The following SLC39A11 variants were observed in gnomAD, a reference collection of about 807,000 sequenced individuals.
SLC39A11 encodes the protein zinc transporter ZIP11.
SLC39A11 carries 33 observed loss-of-function variants against 36.1 expected under a neutral mutation model. The observed-to-expected ratio is 0.91, with a 90% CI of 0.69 to 1.22. SLC39A11 has a LOEUF of 1.22. Among genes scored for constraint, SLC39A11 ranks in the 50% most tolerant of loss-of-function variants. The pLI, the probability that SLC39A11 is intolerant of heterozygous loss-of-function variation, is 0.00. For missense variants in SLC39A11, 432 were observed against 430.3 expected (o/e 1.00, Z -0.03); for synonymous variants, 166 against 170.3 (o/e 0.97, Z 0.20).
intron 4 of SLC39A11, among the ~76,000 whole-genome samples, chr17:73,016,753 A>G (rs1402403331): frequency 6.6e-6 from 1 of 152,224 alleles, no homozygotes; most frequent in Non-Finnish European, 1.5e-5. Flanking sequence ...GCAATATTTC[A>G]GAACCAATGA....
At chr17:72,928,756 G>A (rs2147380619) in intron 5 of SLC39A11, among the ~76,000 whole-genome samples, 1 of 152,296 alleles carries the variant, frequency 6.6e-6, no homozygotes, top group South Asian at 2.1e-4. Context: ...CTAGATAGAG[G>A]TGATACAAAC....
chr17:72,835,591 G>T (rs2078496508), intron 6 of SLC39A11, among the ~76,000 whole-genome samples: 2 of 152,224 alleles, frequency 1.3e-5, no homozygotes, highest in African/African-American at 4.8e-5. Context: ...CTCCTGAGTA[G>T]TTGGGACTAT....
At chr17:72,910,337 A>G (rs752571179) in intron 5 of SLC39A11, among the ~76,000 whole-genome samples, 3 of 152,140 alleles carry the variant, frequency 2.0e-5, no homozygotes, top group Non-Finnish European at 4.4e-5. Flanking sequence ...TAAAAAAGTA[A>G]AAGAAACCGG....
chr17:73,053,137 G>C (rs550600348), intron 3 of SLC39A11, among the ~76,000 whole-genome samples: 1 of 152,260 alleles, frequency 6.6e-6, no homozygotes, highest in East Asian at 1.9e-4. Flanking sequence ...AGTGAGCCAA[G>C]ATTGTGCCAA....
intron 5 of SLC39A11, among the ~76,000 whole-genome samples, chr17:72,882,797 C>CTTTTTT (rs972532779): frequency 1.6e-5 from 1 of 60,610 alleles, no homozygotes. Flanking sequence ...GAGAATGCTT[C>CTTTTTT]TTTTTTTTTT....
chr17:72,802,718 A>G (rs1598799300), intron 6 of SLC39A11, among the ~76,000 whole-genome samples: 1 of 152,276 alleles, frequency 6.6e-6, no homozygotes, highest in East Asian at 1.9e-4. Flanking sequence ...TAGGGGCTGG[A>G]AAAGCCATTT....
At chr17:73,006,466 G>A (rs528512606) in intron 4 of SLC39A11, among the ~76,000 whole-genome samples, 4 of 152,252 alleles carry the variant, frequency 2.6e-5, no homozygotes, top group Middle Eastern at 3.4e-3. Flanking sequence ...AAGGGGAAGG[G>A]AGAAGAGGAT....
chr17:72,995,478 C>T (rs2089450652), intron 4 of SLC39A11, among the ~76,000 whole-genome samples: 1 of 152,188 alleles, frequency 6.6e-6, no homozygotes, highest in Non-Finnish European at 1.5e-5. Flanking sequence ...AATACTATTT[C>T]CAGGTGTGTC....
intron 4 of SLC39A11, among the ~76,000 whole-genome samples, chr17:72,955,917 C>T (rs1309631792): frequency 6.6e-6 from 1 of 152,034 alleles, no homozygotes; most frequent in Non-Finnish European, 1.5e-5. Flanking sequence ...GTTCCATCCA[C>T]CCCTGCCGTC....
At chr17:72,815,127 C>T (rs1249000368) in intron 6 of SLC39A11, among the ~76,000 whole-genome samples, 2 of 152,190 alleles carry the variant, frequency 1.3e-5, no homozygotes, top group Non-Finnish European at 2.9e-5. Flanking sequence ...TGCTGAAGTT[C>T]TATTAAGACT....
At chr17:72,696,076 T>G (rs1023904214) in intron 7 of SLC39A11, among the ~76,000 whole-genome samples, 1 of 151,726 alleles carries the variant, frequency 6.6e-6, no homozygotes, top group Non-Finnish European at 1.5e-5. Flanking sequence ...GGGCAAAGAG[T>G]CTGCAAGGAG....
At chr17:73,052,453 A>T (rs2059537300) in intron 3 of SLC39A11, among the ~76,000 whole-genome samples, 1 of 152,186 alleles carries the variant, frequency 6.6e-6, no homozygotes, top group Admixed American at 6.5e-5. Flanking sequence ...TGATAAAATA[A>T]AGAGCGAAAA....
intron 4 of SLC39A11, among the ~76,000 whole-genome samples, chr17:73,013,912 C>G (rs575587631): frequency 6.6e-6 from 1 of 152,118 alleles, no homozygotes; most frequent in South Asian, 2.1e-4. Flanking sequence ...GAATCTGAGA[C>G]GCAGAGGCCC....
Position 72,647,496 on chromosome 17 carries a change from A to T in SLC39A11, c.*88T>A. 1.9e-6 allele frequency: 2 copies of T among 1,077,506 alleles called. No homozygotes were observed. Among genetic ancestry groups the T allele is most frequent in the Non-Finnish European group, 2.7e-6 (2 of 734,690 alleles). 66.7% of individuals were successfully genotyped at this position (1,077,506 alleles called of 1,614,324 possible). On this transcript the variant is annotated 3_prime_UTR_variant, in exon 10 of 10. Coordinates refer to ENST00000255559, the MANE Select transcript of SLC39A11 (RefSeq NM_139177.4). ...GAAGAGAGGAAGGAAAAAAGTTTTA[A>T]TGTGAAGAAAGAAGCTTGTTGTCCC...
chr17:72,950,945 G>A (rs2085816123), intron 4 of SLC39A11, among the ~76,000 whole-genome samples: 1 of 152,046 alleles, frequency 6.6e-6, no homozygotes, highest in Non-Finnish European at 1.5e-5. Context: ...ATTCAACAAT[G>A]CATAGGACAG....
intron 6 of SLC39A11, among the ~76,000 whole-genome samples, chr17:72,784,604 TG>T (rs1214200196): frequency 1.3e-5 from 2 of 152,074 alleles, no homozygotes; most frequent in African/African-American, 4.8e-5. Context: ...GTCTGGATCC[TG>T]GGGGTGGATC....
At chr17:72,680,945 T>C (rs1461846230) in intron 7 of SLC39A11, among the ~76,000 whole-genome samples, 6 of 152,150 alleles carry the variant, frequency 3.9e-5, no homozygotes, top group Non-Finnish European at 7.3e-5. Flanking sequence ...TTTCGGTTTC[T>C]TTGTTTGTTT....
chr17:72,670,139 T>A (rs928094435), intron 7 of SLC39A11, among the ~76,000 whole-genome samples: 3 of 147,996 alleles, frequency 2.0e-5, no homozygotes, highest in Non-Finnish European at 3.0e-5. Flanking sequence ...GAGATACGTA[T>A]ACACACACAC....
intron 5 of SLC39A11, among the ~76,000 whole-genome samples, chr17:72,930,160 T>C (rs756024015): frequency 1.3e-5 from 2 of 152,212 alleles, no homozygotes; most frequent in Non-Finnish European, 2.9e-5. Flanking sequence ...GCCCTATTAC[T>C]CCCTCATAGC....
Sources: gnomAD v4.1 joint callset for allele counts (sites outside exome capture counted in the v4.1 genomes callset) on GRCh38, gnomAD v4.1.1 for gene constraint, MANE v1.5 for transcripts, NCBI Gene and HGNC (gene_info 2026-07-23, HGNC 2026-07-21) for gene names.